CCSER1: variants seen among roughly 807,000 people sequenced by gnomAD.
CCSER1 encodes the protein serine-rich coiled-coil domain-containing protein 1.
A neutral mutation model predicts 82.0 loss-of-function variants in CCSER1; 41 were observed. The observed-to-expected ratio is 0.50, with a 90% CI of 0.39 to 0.65. CCSER1 has a LOEUF of 0.65. Among genes scored for constraint, CCSER1 ranks in the 30% least tolerant of loss-of-function variants. The pLI is 0.00. For synonymous variants in CCSER1, 414 were observed against 383.9 expected, an observed-to-expected ratio of 1.08 and a Z score of -0.92; for missense variants, 1,119 against 1,064.2, an observed-to-expected ratio of 1.05 and a Z score of -0.72.
intron 7 of CCSER1, among the ~76,000 whole-genome samples, chr4:90,766,284 C>T (rs1334055804): frequency 6.6e-6 from 1 of 152,106 alleles, no homozygotes; most frequent in Non-Finnish European, 1.5e-5. Context: ...GTTGTGTCCA[C>T]ATAATTTCCC....
chr4:90,881,116 A>T lies in CCSER1; in HGVS notation c.2095-42254A>T, dbSNP rs1053252092. Among the ~76,000 whole-genome samples the T allele has an allele frequency of 3.5e-4, 54 of 152,118 alleles. 1 individual carries two copies. Among genetic ancestry groups the T allele is most frequent in the Non-Finnish European group, 1.5e-5 (1 of 68,010 alleles). On this transcript the variant is annotated intron_variant, in intron 8 of 10. Coordinates refer to ENST00000509176, the MANE Select transcript of CCSER1 (RefSeq NM_001145065.2). ...TGATTTCTTATATGAGTTTTTAAAAATTTTTAAAAAGAAAAAGAAAACATC... is the reference window on the plus strand; with the variant it reads ...TGATTTCTTATATGAGTTTTTAAAATTTTTTAAAAAGAAAAAGAAAACATC...
chr4:90,302,310 A>T (rs1267048762), intron 1 of CCSER1, among the ~76,000 whole-genome samples: 2 of 152,198 alleles, frequency 1.3e-5, no homozygotes. Flanking sequence ...ACTTGAGGAT[A>T]TGTAAAGGAG....
At chr4:91,405,161 G>T (rs1221894220) in intron 10 of CCSER1, among the ~76,000 whole-genome samples, 2 of 151,442 alleles carry the variant, frequency 1.3e-5, no homozygotes, top group Admixed American at 1.3e-4. Flanking sequence ...GGCTATCTTT[G>T]TCTCTTTTGA....
chr4:90,540,497 T>C (rs952640584), intron 5 of CCSER1, among the ~76,000 whole-genome samples: 2 of 152,118 alleles, frequency 1.3e-5, no homozygotes, highest in African/African-American at 4.8e-5. Flanking sequence ...AATAGCATTA[T>C]ATATTTCAAA....
At chr4:90,665,567 CG>C (rs1560910994) in intron 6 of CCSER1, among the ~76,000 whole-genome samples, 1 of 152,012 alleles carries the variant, frequency 6.6e-6, no homozygotes, top group East Asian at 1.9e-4. Context: ...GTGATCCACC[CG>C]CCTCGGCCTC....
chr4:90,379,661 A>G (rs1748908552), intron 3 of CCSER1, among the ~76,000 whole-genome samples: 1 of 152,206 alleles, frequency 6.6e-6, no homozygotes, highest in African/African-American at 2.4e-5. Flanking sequence ...TGAAATCTAT[A>G]AAATAAAGAA....
chr4:90,257,530 C>CAGATAGAT (rs70963062), intron 1 of CCSER1, among the ~76,000 whole-genome samples: 2,990 of 150,126 alleles, frequency 0.02, 92 homozygotes, highest in African/African-American at 0.069. Context: ...CAATAGGATA[C>CAGATAGAT]AGATAGATAG....
intron 5 of CCSER1, among the ~76,000 whole-genome samples, chr4:90,507,029 A>G (rs762773271): frequency 2.0e-5 from 3 of 152,200 alleles, no homozygotes; most frequent in African/African-American, 4.8e-5. Flanking sequence ...TACGTTTACT[A>G]TCTTTTATTC....
chr4:91,163,847 C>T (rs1278320778), intron 10 of CCSER1, among the ~76,000 whole-genome samples: 1 of 152,050 alleles, frequency 6.6e-6, no homozygotes, highest in Non-Finnish European at 1.5e-5. Context: ...GATGGGTTTC[C>T]TGAATACAGC....
chr4:91,570,460 G>GT (rs1763121341), intron 10 of CCSER1, among the ~76,000 whole-genome samples: 1 of 152,214 alleles, frequency 6.6e-6, no homozygotes, highest in Non-Finnish European at 1.5e-5. Context: ...ACATCCAGGT[G>GT]TTTTTATACA....
intron 3 of CCSER1, among the ~76,000 whole-genome samples, chr4:90,353,187 A>G (rs370224492): frequency 2.6e-5 from 4 of 152,048 alleles, no homozygotes; most frequent in Non-Finnish European, 4.4e-5. Flanking sequence ...TATACTGGGC[A>G]TTTGTTGGGA....
intron 1 of CCSER1, among the ~76,000 whole-genome samples, chr4:90,287,693 G>A (rs953290775): frequency 6.6e-6 from 1 of 151,528 alleles, no homozygotes; most frequent in Non-Finnish European, 1.5e-5. Flanking sequence ...TATTCTTCAT[G>A]TCCCCCAAAA....
At position 90,790,856 on chromosome 4, in the gene CCSER1, C is replaced by G. The variant is rs187503063; in HGVS notation, c.2011-24906C>G. Reference sequence around the variant, plus strand: ...CTTCTTCTGAGGCCTCCAAACTGTTCTGACCTCTGCCTGTTACCCAGTTCC... The same window carrying G: ...CTTCTTCTGAGGCCTCCAAACTGTTGTGACCTCTGCCTGTTACCCAGTTCC... On this transcript the variant is annotated intron_variant, in intron 7 of 10. Coordinates refer to ENST00000509176, the MANE Select transcript of CCSER1 (RefSeq NM_001145065.2). Among the ~76,000 whole-genome samples, 561 of 152,302 alleles carry G rather than the reference C, an allele frequency of 3.7e-3. 1 individual carries two copies. Among genetic ancestry groups the G allele is most frequent in the African/African-American group, 0.012 (486 of 41,564 alleles).
chr4:90,633,618 T>A (rs897388639), intron 6 of CCSER1, among the ~76,000 whole-genome samples: 2 of 151,960 alleles, frequency 1.3e-5, no homozygotes, highest in African/African-American at 4.8e-5. Flanking sequence ...TCACTGAACA[T>A]CATTGCAATT....
At chr4:90,617,907 A>G (rs1721596325) in intron 5 of CCSER1, among the ~76,000 whole-genome samples, 1 of 152,012 alleles carries the variant, frequency 6.6e-6, no homozygotes, top group Non-Finnish European at 1.5e-5. Context: ...TTATGTATAA[A>G]CCATATTATG....
At chr4:90,606,430 A>G (rs989930163) in intron 5 of CCSER1, among the ~76,000 whole-genome samples, 1 of 152,206 alleles carries the variant, frequency 6.6e-6, no homozygotes, top group Non-Finnish European at 1.5e-5. Flanking sequence ...CAAGACATTA[A>G]TGTTAGCTAT....
At chr4:90,439,883 C>T (rs548876924) in intron 4 of CCSER1, among the ~76,000 whole-genome samples, 7 of 152,058 alleles carry the variant, frequency 4.6e-5, no homozygotes, top group Non-Finnish European at 1.0e-4. Context: ...TTTATGTCAC[C>T]CTCAAGATCT....
intron 10 of CCSER1, among the ~76,000 whole-genome samples, chr4:91,426,790 A>G (rs1324049872): frequency 6.6e-6 from 1 of 152,168 alleles, no homozygotes; most frequent in Non-Finnish European, 1.5e-5. Flanking sequence ...GAAAAGTAAA[A>G]CAGACTTTAA....
chr4:90,573,347 T>A (rs1221854094), intron 5 of CCSER1, among the ~76,000 whole-genome samples: 6 of 152,238 alleles, frequency 3.9e-5, no homozygotes, highest in Admixed American at 2.6e-4. Context: ...AGTTCATGGA[T>A]ACTGTCCTGG....
Sources: gnomAD v4.1 joint callset for allele counts (sites outside exome capture counted in the v4.1 genomes callset) on GRCh38, gnomAD v4.1.1 for gene constraint, MANE v1.5 for transcripts, NCBI Gene and HGNC (gene_info 2026-07-23, HGNC 2026-07-21) for gene names.